CTSH: variants seen among roughly 807,000 people sequenced by gnomAD.
CTSH encodes the protein cathepsin H.
A neutral mutation model predicts 56.3 loss-of-function variants in CTSH; 52 were observed. The observed-to-expected ratio is 0.92, with a 90% CI of 0.74 to 1.16. CTSH has a LOEUF of 1.16. Ranked by LOEUF, CTSH falls within the 50% of genes most tolerant of loss-of-function variation. CTSH has a pLI of 0.00. For synonymous variants in CTSH, 174 were observed against 155.7 expected (o/e 1.12, Z -0.88); for missense variants, 406 against 424.5 (o/e 0.96, Z 0.38).
At chr15:78,923,194 C>T in intron 10 of CTSH, 76 bp from the exon 11 acceptor site, 1 of 1,544,580 alleles carries the variant, frequency 6.5e-7, no homozygotes, top group Non-Finnish European at 8.9e-7. Context: ...AACAACGCCT[C>T]TTTGAGCGCT....
chr15:78,924,314 G>A (rs1290616995), intron 10 of CTSH, among the ~76,000 whole-genome samples: 1 of 152,186 alleles, frequency 6.6e-6, no homozygotes, highest in African/African-American at 2.4e-5. Context: ...AGGGACACTG[G>A]TGTGTTCAAA....
chr15:78,937,422 T>G lies in CTSH; in HGVS notation c.125A>C (p.His42Pro). 6.2e-7 allele frequency: 1 copy of G among 1,613,530 alleles called. No homozygotes were observed. Among genetic ancestry groups the G allele is most frequent in the Non-Finnish European group, 8.5e-7 (1 of 1,179,662 alleles). The part of the protein sequence containing the change: ...KFHFKSWMSK[H>P]RKTYSTEEYH... Reference sequence around the variant, plus strand: ...CTCCTCCGTACTGTAGGTCTTACGGTGCTAAAACAAAACACGCCAGTAGCA... The same window carrying G: ...CTCCTCCGTACTGTAGGTCTTACGGGGCTAAAACAAAACACGCCAGTAGCA... Residue 42 changes from histidine to proline, a missense_variant and splice_region_variant, in exon 3 of 12, where the codon CAC becomes CCC. His to Pro is a moderately conservative substitution (Grantham distance 77). Transcript: ENST00000220166.
At position 78,934,987 on chromosome 15, in the gene CTSH, C is replaced by A; in HGVS notation, c.396G>T (p.Val132=). ...WRKKGNFVSP[V]KNQGACGSCW... is the part of the protein sequence containing the mutation. ...AGATTGCCAGGCATACCTGATTTTT[C>A]ACAGGTGAGACAAAATTTCCTTTTT... is the stretch of plus-strand genomic sequence containing the variant. The change falls in exon 5 of 12, where the codon GTG becomes GTT. Residue 132 remains valine, a synonymous_variant. Coordinates refer to ENST00000220166, the MANE Select transcript of CTSH (RefSeq NM_004390.5). 6.2e-7 allele frequency: 1 copy of A among 1,611,626 alleles called. No homozygotes were observed.
intron 1 of CTSH, among the ~76,000 whole-genome samples, chr15:78,944,297 C>T (rs1439601656): frequency 6.6e-6 from 1 of 152,232 alleles, no homozygotes; most frequent in Admixed American, 6.5e-5. Context: ...CTGGACCAGT[C>T]GCAGCCAATC....
intron 1 of CTSH, among the ~76,000 whole-genome samples, chr15:78,940,512 G>C (rs1228701923): frequency 6.6e-6 from 1 of 150,524 alleles, no homozygotes; most frequent in Non-Finnish European, 1.5e-5. Context: ...ATTCCTGCCT[G>C]GGTGACAGGA....
At chr15:78,940,762 C>G (rs201217928) in intron 1 of CTSH, among the ~76,000 whole-genome samples, 1 of 151,968 alleles carries the variant, frequency 6.6e-6, no homozygotes, top group East Asian at 1.9e-4. Context: ...AGCTCATGAC[C>G]AACTTGGCCA....
chr15:78,929,041 G>C (rs947134449), intron 8 of CTSH, among the ~76,000 whole-genome samples: 1 of 152,134 alleles, frequency 6.6e-6, no homozygotes, highest in Non-Finnish European at 1.5e-5. Flanking sequence ...GCCCCCAAAG[G>C]GTCCTTGGCA....
In CTSH at chr15:78,939,136, T is replaced by G. The variant is rs12148472; in HGVS notation, c.123+4A>C. On this transcript the variant is annotated splice_donor_region_variant and intron_variant, in intron 2 of 11. Transcript: ENST00000220166. ...ACTTCAAAAAGAAGAAGTTGGGCAC[T>G]GACCTTAGACATCCATGACTTGAAG... 1.3e-6 allele frequency: 2 copies of G among 1,597,408 alleles called. No individual in the cohort carries two copies. The highest frequency in any genetic ancestry group is 1.4e-5 in the African/African-American group (1 of 73,852).
chr15:78,941,027 A>G (rs1040140906), intron 1 of CTSH, among the ~76,000 whole-genome samples: 1 of 152,198 alleles, frequency 6.6e-6, no homozygotes, highest in African/African-American at 2.4e-5. Flanking sequence ...TTGAACACCT[A>G]TCTCCATCCC....
intron 4 of CTSH, 99 bp downstream of exon 4, chr15:78,935,581 G>T: frequency 1.0e-6 from 1 of 984,902 alleles, no homozygotes. Context: ...CTGCATCTGG[G>T]GATGGGACTG....
rs557823203 is a variant in CTSH, at chr15:78,936,816, A to T, written c.229+502T>A. On this transcript the variant is annotated intron_variant, in intron 3 of 11. Coordinates refer to ENST00000220166, the MANE Select transcript of CTSH (RefSeq NM_004390.5). ...GGCTAATTTTGTATTTTTAGTAGAG[A>T]TGGGGTTTCTCCATGTTGGTTAGGC... 6.6e-5 allele frequency among the ~76,000 whole-genome samples: 10 copies of T among 152,012 alleles called. No individual in the cohort carries two copies. The South Asian group carries it at 1.9e-3, about 28-fold the overall frequency.
intron 3 of CTSH, among the ~76,000 whole-genome samples, chr15:78,936,666 G>C (rs934383462): frequency 8.0e-5 from 12 of 150,640 alleles, no homozygotes; most frequent in Non-Finnish European, 1.5e-4. Flanking sequence ...TTTCACTCTT[G>C]TTGCCCAGGC....
intron 1 of CTSH, among the ~76,000 whole-genome samples, chr15:78,943,798 T>C (rs2055340686): frequency 6.6e-6 from 1 of 152,244 alleles, no homozygotes; most frequent in Non-Finnish European, 1.5e-5. Context: ...CAGAAAAAGT[T>C]TGCCAAGCCC....
At chr15:78,931,302 G>A (rs2055054325) in intron 7 of CTSH, 149 bp downstream of exon 7, 1 of 956,844 alleles carries the variant, frequency 1.0e-6, no homozygotes, top group African/African-American at 1.6e-5. Context: ...GCCATGTGAG[G>A]TGACCACCCC....
chr15:78,936,450 T>G (rs1391891079), intron 3 of CTSH, among the ~76,000 whole-genome samples: 1 of 152,034 alleles, frequency 6.6e-6, no homozygotes, highest in African/African-American at 2.4e-5. Flanking sequence ...CCACCACACC[T>G]GGGCTCATTT....
At chr15:78,932,568 G>A in intron 5 of CTSH, 110 bp from the exon 6 acceptor site, 1 of 761,196 alleles carries the variant, frequency 1.3e-6, no homozygotes, top group African/African-American at 1.7e-5. Context: ...GTCCCCAGGT[G>A]CCTTGGCAGT....
chr15:78,927,460 CAG>C, intron 9 of CTSH: 5 of 546,984 alleles, frequency 9.1e-6, no homozygotes. Context: ...AGCAAGAAAA[CAG>C]AACCAAAAGA....
At chr15:78,930,989 CCAGGCAAGGTA>C (rs1430738748) in intron 7 of CTSH, among the ~76,000 whole-genome samples, 1 of 152,190 alleles carries the variant, frequency 6.6e-6, no homozygotes, top group Non-Finnish European at 1.5e-5. Flanking sequence ...GAAAGCAGGT[CCAGGCAAGGTA>C]CAGCCCTTAC....
At position 78,944,996 on chromosome 15, in the gene CTSH, C is replaced by G. The variant is rs373577561; in HGVS notation, c.-15G>C. 2 of 1,524,158 alleles carry G rather than the reference C, an allele frequency of 1.3e-6. No individual in the cohort carries two copies. Among genetic ancestry groups the G allele is most frequent in the Admixed American group, 4.0e-5 (2 of 49,496 alleles). 94.4% of individuals were successfully genotyped at this position (1,524,158 alleles called of 1,614,324 possible). ...GTGGCCCACATCGCAGCGCTGGCGG[C>G]TTGGCTCTTGCGCTCAGGGTCCGCG... is the stretch of plus-strand genomic sequence containing the variant. On this transcript the variant is annotated 5_prime_UTR_variant, in exon 1 of 12. Transcript: ENST00000220166.
Sources: gnomAD v4.1 joint callset for allele counts (sites outside exome capture counted in the v4.1 genomes callset) on GRCh38, gnomAD v4.1.1 for gene constraint, MANE v1.5 for transcripts, NCBI Gene and HGNC (gene_info 2026-07-23, HGNC 2026-07-21) for gene names.